ATRNL1: variants seen among roughly 807,000 people sequenced by gnomAD.
ATRNL1 encodes attractin-like protein 1.
ATRNL1 carries 95 observed loss-of-function variants against 182.7 expected under a neutral mutation model. That is an observed-to-expected ratio of 0.52 (90% CI 0.44 to 0.62). The LOEUF is 0.62. Among genes scored for constraint, ATRNL1 ranks in the 20% least tolerant of loss-of-function variants. The probability of loss-of-function intolerance (pLI) is 0.00; values close to 1 mark genes in which losing one functional copy is unlikely to be tolerated. For missense variants in ATRNL1, 1,471 were observed against 1,679.5 expected, an observed-to-expected ratio of 0.88 and a Z score of 2.17; for synonymous variants, 576 against 568.3, an observed-to-expected ratio of 1.01 and a Z score of -0.19.
At chr10:115,745,225 A>G (rs1555068848) in intron 27 of ATRNL1, among the ~76,000 whole-genome samples, 1 of 152,014 alleles carries the variant, frequency 6.6e-6, no homozygotes, top group African/African-American at 2.4e-5. Flanking sequence ...CCGGGGAACC[A>G]TATTTTATGC....
rs1220069643 is a variant in ATRNL1, at chr10:115,177,894, TG to T, written c.1348+6603del. 1.3e-3 allele frequency among the ~76,000 whole-genome samples: 187 copies of T among 143,238 alleles called. 2 individuals are homozygous for T. The highest frequency in any genetic ancestry group is 5.8e-3 in the South Asian group (26 of 4,448). The allele number at this position is 143,238 out of a possible 152,430, so 94.0% of individuals were successfully genotyped here. ...CTGTGTTTTTTTTTTTTTTTGGTTT[TG>T]TTTTTTTGTTTTTTTTGTTTTTTTT... On this transcript the variant is annotated intron_variant, in intron 8 of 28. Coordinates refer to ENST00000355044, the MANE Select transcript of ATRNL1 (RefSeq NM_207303.4).
In ATRNL1 at chr10:115,467,180, A is replaced by C. The variant is rs1554970995; in HGVS notation, c.3424A>C (p.Lys1142Gln). 1 of 1,602,648 alleles carries C rather than the reference A, an allele frequency of 6.2e-7. No homozygotes were observed. The highest frequency in any genetic ancestry group is 8.5e-7 in the Non-Finnish European group (1 of 1,172,694). ...ATATTTTCTTTTCTGGTAGTCGAACAAAAATCTGGATATATCAATTAATGC... is the reference window on the plus strand; with the variant it reads ...ATATTTTCTTTTCTGGTAGTCGAACCAAAATCTGGATATATCAATTAATGC... ...NFIANPEQSN[K>Q]NLDISINASN... is the part of the protein sequence containing the mutation. Residue 1142 changes from lysine (K) to glutamine (Q), a missense_variant, in exon 23 of 29, where the codon AAA becomes CAA. Lys to Gln is a moderately conservative substitution (Grantham distance 53). Transcript: ENST00000355044.
chr10:115,567,528 G>A (rs1854139988), intron 26 of ATRNL1, among the ~76,000 whole-genome samples: 1 of 151,970 alleles, frequency 6.6e-6, no homozygotes, highest in Admixed American at 6.6e-5. Flanking sequence ...AGCCAGGGAT[G>A]GCATGCATGC....
At chr10:115,552,005 C>T (rs531451403) in intron 26 of ATRNL1, among the ~76,000 whole-genome samples, 1 of 151,178 alleles carries the variant, frequency 6.6e-6, no homozygotes, top group East Asian at 1.9e-4. Flanking sequence ...TCTTGCTGTA[C>T]CTAATTTATA....
chr10:115,759,841 ATTTTTTTTTT>A (rs58578796), intron 27 of ATRNL1, among the ~76,000 whole-genome samples: 7 of 62,684 alleles, frequency 1.1e-4, no homozygotes, highest in South Asian at 8.9e-4. Context: ...ACACCTGGCT[ATTTTTTTTTT>A]TTTTTTTTTT....
intron 26 of ATRNL1, among the ~76,000 whole-genome samples, chr10:115,698,261 C>T (rs146457134): frequency 1.8e-4 from 27 of 152,082 alleles, no homozygotes; most frequent in African/African-American, 6.3e-4. Flanking sequence ...ACAACTCTAA[C>T]AGAAAAAAAA....
intron 13 of ATRNL1, among the ~76,000 whole-genome samples, chr10:115,275,380 G>C (rs1178440558): frequency 2.0e-5 from 3 of 152,158 alleles, no homozygotes; most frequent in Admixed American, 2.0e-4. Context: ...ATCTGGTACT[G>C]ATACTGATTA....
intron 14 of ATRNL1, among the ~76,000 whole-genome samples, chr10:115,282,251 A>AT (rs1213224824): frequency 2.0e-5 from 3 of 147,432 alleles, no homozygotes; most frequent in Non-Finnish European, 3.0e-5. Flanking sequence ...TTCTTTTTTT[A>AT]TTTTTTTAAA....
rs782440894 is a variant in ATRNL1 at position 115,727,229 on chromosome 10, C to A, written c.3796-19C>A. On this transcript the variant is annotated intron_variant, in intron 26 of 28. Coordinates refer to ENST00000355044, the MANE Select transcript of ATRNL1 (RefSeq NM_207303.4). ...CTTTTAAACCTATTTTAAGATAAATCATTTTTAACCCCCTCCAGCAACTGC... is the reference window on the plus strand; with the variant it reads ...CTTTTAAACCTATTTTAAGATAAATAATTTTTAACCCCCTCCAGCAACTGC... 7 of 1,571,316 alleles carry A rather than the reference C, an allele frequency of 4.5e-6. No homozygotes were observed. The Admixed American group carries it at 8.4e-5, about 19-fold the overall frequency.
Position 115,549,482 on chromosome 10 carries a change from G to A in ATRNL1, c.3741G>A (p.Val1247=). ...FFSCFLSLLL[V]AAVVWKIKQT... ...GTTGTTTCCTATCCTTATTGCTGGT[G>A]GCTGCTGTGGTATGGAAGATCAAAC... Residue 1247 remains valine, a synonymous_variant, in exon 26 of 29, where the codon GTG becomes GTA. Transcript: ENST00000355044. The A allele has an allele frequency of 6.2e-7, 1 of 1,601,790 alleles. No homozygotes were observed. The highest frequency in any genetic ancestry group is 8.5e-7 in the Non-Finnish European group (1 of 1,173,474).
At chr10:115,669,439 G>T (rs552351091) in intron 26 of ATRNL1, among the ~76,000 whole-genome samples, 4 of 152,136 alleles carry the variant, frequency 2.6e-5, no homozygotes, top group African/African-American at 7.2e-5. Context: ...AAATTTTTAT[G>T]ACTTATCATA....
intron 19 of ATRNL1, among the ~76,000 whole-genome samples, chr10:115,385,070 C>A (rs1858257553): frequency 1.3e-5 from 2 of 151,870 alleles, no homozygotes; most frequent in African/African-American, 4.8e-5. Context: ...AGTGGAATTG[C>A]TTTTTGTGCT....
At chr10:115,707,372 G>T (rs181815998) in intron 26 of ATRNL1, among the ~76,000 whole-genome samples, 28 of 151,544 alleles carry the variant, frequency 1.8e-4, no homozygotes, top group African/African-American at 6.8e-4. Flanking sequence ...TATTTCCCAG[G>T]CATAAAGATA....
intron 26 of ATRNL1, among the ~76,000 whole-genome samples, chr10:115,694,148 TCTA>T (rs782274960): frequency 2.4e-4 from 34 of 144,472 alleles, no homozygotes; most frequent in Non-Finnish European, 3.5e-4. Context: ...ATTTTTCACT[TCTA>T]CTCCCACAGT....
At chr10:115,848,087 G>A (rs782674219) in intron 28 of ATRNL1, 96 bp downstream of exon 28, 1 of 711,484 alleles carries the variant, frequency 1.4e-6, no homozygotes, top group Admixed American at 2.3e-5. Flanking sequence ...AAGGACCTTT[G>A]CAAGGTTCTA....
intron 8 of ATRNL1, among the ~76,000 whole-genome samples, chr10:115,197,429 T>C (rs906298180): frequency 6.6e-6 from 1 of 152,142 alleles, no homozygotes; most frequent in Non-Finnish European, 1.5e-5. Context: ...AGAATTGATA[T>C]TATTTCTGTC....
At chr10:115,407,174 G>A (rs646783) in intron 20 of ATRNL1, among the ~76,000 whole-genome samples, 57,882 of 151,890 alleles carry the variant, frequency 0.38, 12,195 homozygotes, top group African/African-American at 0.57. Context: ...TTCAGTACAT[G>A]CAGTGCATAA....
At chr10:115,814,967 C>T (rs1411551756) in intron 27 of ATRNL1, among the ~76,000 whole-genome samples, 4 of 152,066 alleles carry the variant, frequency 2.6e-5, no homozygotes, top group African/African-American at 9.7e-5. Context: ...TTTCAGATGG[C>T]AAAGAATATT....
At chr10:115,327,015 T>C (rs1489009587) in intron 18 of ATRNL1, among the ~76,000 whole-genome samples, 1 of 151,988 alleles carries the variant, frequency 6.6e-6, no homozygotes, top group Non-Finnish European at 1.5e-5. Flanking sequence ...ATTCAGGACA[T>C]AGGCATGGGC....
Sources: gnomAD v4.1 joint callset for allele counts (sites outside exome capture counted in the v4.1 genomes callset) on GRCh38, gnomAD v4.1.1 for gene constraint, MANE v1.5 for transcripts, NCBI Gene and HGNC (gene_info 2026-07-23, HGNC 2026-07-21) for gene names.